KCTD1: variants seen among roughly 807,000 people sequenced by gnomAD.
The protein encoded by KCTD1 is BTB/POZ domain-containing protein KCTD1.
A neutral mutation model predicts 66.0 loss-of-function variants in KCTD1; 24 were observed. The observed-to-expected ratio is 0.36, with a 90% confidence interval of 0.26 to 0.51. The LOEUF is 0.51. KCTD1 is among the 20% of genes least tolerant of loss of function. The pLI is 0.95. For missense variants in KCTD1, 943 were observed against 1,205.2 expected, an observed-to-expected ratio of 0.78 and a Z score of 3.22; for synonymous variants, 511 against 517.2, an observed-to-expected ratio of 0.99 and a Z score of 0.16.
In KCTD1 at chr18:26,455,913, C is replaced by T; in HGVS notation, c.2440-12G>A. The T allele has an allele frequency of 6.2e-7, 1 of 1,610,900 alleles. No homozygotes were observed. Among genetic ancestry groups the T allele is most frequent in the South Asian group, 1.1e-5 (1 of 90,958 alleles). ...AACCTCTCGAGGACCTGCGAGGGAA[C>T]AAGACAAGCATCCAGTTAGGGGTGA... is the stretch of plus-strand genomic sequence containing the variant. On this transcript the variant is annotated splice_polypyrimidine_tract_variant and intron_variant, in intron 4 of 4. Transcript: ENST00000580059.
intron 1 of KCTD1, among the ~76,000 whole-genome samples, chr18:26,509,485 T>C (rs1388401599): frequency 6.6e-6 from 1 of 152,172 alleles, no homozygotes; most frequent in African/African-American, 2.4e-5. Context: ...CAAATCAGAA[T>C]AATTAGGATA....
At chr18:26,570,291 G>T (rs78480691) in intron 1 of KCTD1, among the ~76,000 whole-genome samples, 1 of 151,370 alleles carries the variant, frequency 6.6e-6, no homozygotes, top group African/African-American at 2.4e-5. Flanking sequence ...TTGGAAAAAG[G>T]CTTCTCATTG....
intron 1 of KCTD1, among the ~76,000 whole-genome samples, chr18:26,563,167 AGT>A (rs1985900803): frequency 6.6e-6 from 1 of 152,160 alleles, no homozygotes; most frequent in East Asian, 1.9e-4. Context: ...TCTGCTGTTC[AGT>A]GATGCAGCAA....
intron 3 of KCTD1, among the ~76,000 whole-genome samples, chr18:26,470,201 C>T (rs1029613660): frequency 6.6e-6 from 1 of 152,142 alleles, no homozygotes; most frequent in African/African-American, 2.4e-5. Flanking sequence ...ACAGATGCTG[C>T]TGGCTAGCTT....
rs1986108090 is a variant in KCTD1, at chr18:26,571,606, ATTTT to A, written c.-16+57537_-16+57540del. Reference sequence around the variant, plus strand: ...AGTTGTACTGTATTGTTTTTGTGTTATTTTAATTGTTGTATTATTATTTTTTATT... The same window carrying A: ...AGTTGTACTGTATTGTTTTTGTGTTAAATTGTTGTATTATTATTTTTTATT... On this transcript the variant is annotated intron_variant, in intron 1 of 4. Transcript: ENST00000317932. Among the ~76,000 whole-genome samples the A allele has an allele frequency of 3.3e-5, 5 of 150,858 alleles. No individual in the cohort carries two copies. The South Asian group carries it at 1.0e-3, about 31-fold the overall frequency.
chr18:26,467,517 C>CA (rs1221149927), intron 3 of KCTD1, among the ~76,000 whole-genome samples: 1 of 151,546 alleles, frequency 6.6e-6, no homozygotes, highest in Non-Finnish European at 1.5e-5. Context: ...GACCCTGTCT[C>CA]AAAAAAAATT....
chr18:26,543,194 GCAAA>G (rs950835790), intron 1 of KCTD1: 3 of 152,152 alleles, frequency 2.0e-5, no homozygotes, highest in Non-Finnish European at 4.4e-5. Flanking sequence ...ATAAAGGAGA[GCAAA>G]CATTCTTGCA....
chr18:26,536,511 T>C (rs1984716236), intron 1 of KCTD1, among the ~76,000 whole-genome samples: 1 of 152,238 alleles, frequency 6.6e-6, no homozygotes, highest in South Asian at 2.1e-4. Context: ...CAGGTTTAAC[T>C]GTTTAGTATT....
chr18:26,549,307 C>G (rs919582263), upstream of KCTD1: 1 of 985,344 alleles, frequency 1.0e-6, no homozygotes, highest in Non-Finnish European at 1.2e-6. Context: ...CTTTCCGACT[C>G]TTGCAAAGGA....
upstream of KCTD1, among the ~76,000 whole-genome samples, chr18:26,630,599 T>C (rs546871819): frequency 6.6e-6 from 1 of 152,338 alleles, no homozygotes; most frequent in East Asian, 1.9e-4. Context: ...CCTCCCAAAA[T>C]GTTGGGATTA....
At chr18:26,580,431 A>G (rs1041528541) in intron 1 of KCTD1, among the ~76,000 whole-genome samples, 59 of 152,256 alleles carry the variant, frequency 3.9e-4, no homozygotes, top group African/African-American at 1.4e-3. Flanking sequence ...AGTCAGATCT[A>G]AATTCTGATA....
At chr18:26,470,608 C>T (rs1424149923) in intron 3 of KCTD1, among the ~76,000 whole-genome samples, 1 of 152,248 alleles carries the variant, frequency 6.6e-6, no homozygotes, top group African/African-American at 2.4e-5. Context: ...TGACTTCTCA[C>T]GTGAGAAAAA....
chr18:26,647,016 T>G (rs1450693236), intron 1 of KCTD1, among the ~76,000 whole-genome samples: 2 of 152,172 alleles, frequency 1.3e-5, no homozygotes, highest in Non-Finnish European at 2.9e-5. Flanking sequence ...TCTCTGTGAC[T>G]CCACTGGTCT....
intron 1 of KCTD1, among the ~76,000 whole-genome samples, chr18:26,535,336 CCAAA>C (rs1019305287): frequency 1.3e-5 from 2 of 152,130 alleles, no homozygotes; most frequent in Non-Finnish European, 1.5e-5. Flanking sequence ...TCTTCAACTG[CCAAA>C]CAGTCAGTGA....
At chr18:26,566,000 C>G (rs767775285) in intron 1 of KCTD1, 5 of 151,862 alleles carry the variant, frequency 3.3e-5, no homozygotes, top group African/African-American at 7.2e-5. Context: ...TTTTCCCCCC[C>G]CAAGATAACT....
chr18:26,656,480 T>C (rs890602676), intron 1 of KCTD1, among the ~76,000 whole-genome samples: 2 of 141,776 alleles, frequency 1.4e-5, no homozygotes, highest in African/African-American at 5.3e-5. Flanking sequence ...TGGGAGGGAG[T>C]GGGAGGGGGC....
chr18:26,548,395 G>T lies in KCTD1; in HGVS notation c.142C>A (p.Pro48Thr). Residue 48 changes from proline (P) to threonine (T), a missense_variant, in exon 1 of 5, where the codon CCG becomes ACG. Physicochemically the swap from Pro to Thr is conservative, Grantham distance 38. Coordinates refer to ENST00000580059, the MANE Select transcript of KCTD1 (RefSeq NM_001142730.3). ...AGGRGRRHSR[P>T]HYCSAGEEEE... ...TCCTCGCCCGCGCTGCAGTAGTGCGGACGGCTGTGGCGGCGGCCGCGGCCC... is the reference window on the plus strand; with the variant it reads ...TCCTCGCCCGCGCTGCAGTAGTGCGTACGGCTGTGGCGGCGGCCGCGGCCC... The T allele has an allele frequency of 1.4e-6, 2 of 1,446,954 alleles. No homozygotes were observed. Among genetic ancestry groups the T allele is most frequent in the Non-Finnish European group, 1.8e-6 (2 of 1,098,264 alleles). 89.6% of individuals were successfully genotyped at this position (1,446,954 alleles called of 1,614,324 possible). A position where few individuals can be genotyped will look rare whatever the true frequency, so the allele number is the denominator to read the frequency against.
upstream of KCTD1, chr18:26,549,882 G>T: frequency 1.2e-6 from 1 of 853,084 alleles, no homozygotes. Flanking sequence ...CCAAACGCCC[G>T]CCCCCGGCGC....
At chr18:26,475,195 T>C (rs896644159) in intron 3 of KCTD1, among the ~76,000 whole-genome samples, 7 of 152,342 alleles carry the variant, frequency 4.6e-5, no homozygotes, top group African/African-American at 1.7e-4. Context: ...ATTACCCACC[T>C]TTACCATCAT....
Sources: gnomAD v4.1 joint callset for allele counts (sites outside exome capture counted in the v4.1 genomes callset) on GRCh38, gnomAD v4.1.1 for gene constraint, MANE v1.5 for transcripts, NCBI Gene and HGNC (gene_info 2026-07-23, HGNC 2026-07-21) for gene names.